Variants in THSD7B observed in about 807,000 individuals in gnomAD.
THSD7B encodes the protein thrombospondin type 1 domain containing 7B, also known as thrombospondin type-1 domain-containing protein 7B.
Under a neutral mutation model 213.6 loss-of-function variants are expected in THSD7B, and 138 were observed. The ratio of observed to expected loss-of-function variants is 0.65; its 90% CI spans 0.56 to 0.74. THSD7B has a LOEUF of 0.74. Ranked by LOEUF, THSD7B falls within the 30% of genes least tolerant of loss-of-function variation. The probability of loss-of-function intolerance (pLI) is 0.00; values close to 1 mark genes in which losing one functional copy is unlikely to be tolerated. For missense variants in THSD7B, 1,931 were observed against 1,991.5 expected (o/e 0.97, Z 0.58); for synonymous variants, 742 against 687.0 (o/e 1.08, Z -1.25).
At chr2:136,984,041 G>C (rs577989717) in intron 2 of THSD7B, among the ~76,000 whole-genome samples, 8 of 152,274 alleles carry the variant, frequency 5.3e-5, no homozygotes, top group South Asian at 4.1e-4. Context: ...TGCCATGAAG[G>C]CCTAGAAAGT....
intron 20 of THSD7B, among the ~76,000 whole-genome samples, chr2:137,637,096 C>T (rs1682847410): frequency 6.6e-6 from 1 of 152,194 alleles, no homozygotes; most frequent in Non-Finnish European, 1.5e-5. Context: ...CAAAACTCAT[C>T]ATTGCCAAAA....
chr2:137,220,121 CT>C (rs1681336109), intron 7 of THSD7B, among the ~76,000 whole-genome samples: 1 of 152,004 alleles, frequency 6.6e-6, no homozygotes, highest in South Asian at 2.1e-4. Context: ...CTGTTCCTTC[CT>C]GAAAATTTGT....
At chr2:137,388,533 T>A (rs1685945919) in intron 12 of THSD7B, among the ~76,000 whole-genome samples, 2 of 152,156 alleles carry the variant, frequency 1.3e-5, no homozygotes, top group South Asian at 4.1e-4. Context: ...TCAAGTCATG[T>A]CTTCCAGCTA....
At chr2:136,855,481 A>G (rs1683162959) in intron 1 of THSD7B, among the ~76,000 whole-genome samples, 1 of 152,190 alleles carries the variant, frequency 6.6e-6, no homozygotes, top group South Asian at 2.1e-4. Context: ...ACTAGAGCAC[A>G]GTGGCACAGT....
intron 7 of THSD7B, among the ~76,000 whole-genome samples, chr2:137,204,117 CTG>C (rs1456729924): frequency 6.6e-6 from 1 of 152,052 alleles, no homozygotes; most frequent in East Asian, 1.9e-4. Context: ...GTTCAGTCCT[CTG>C]GGGTTTCTAT....
chr2:137,238,936 ATAGT>A (rs149224054), intron 9 of THSD7B, among the ~76,000 whole-genome samples: 9,233 of 152,164 alleles, frequency 0.061, 728 homozygotes, highest in African/African-American at 0.18. Flanking sequence ...TGTATTAAAG[ATAGT>A]TAATAATAAT....
At chr2:136,948,983 GT>G (rs562394009) in intron 2 of THSD7B, among the ~76,000 whole-genome samples, 2 of 152,268 alleles carry the variant, frequency 1.3e-5, no homozygotes, top group East Asian at 3.9e-4. Context: ...AAAATTGTTG[GT>G]TTTTGGAGAT....
At chr2:137,560,744 G>C (rs934108053) in intron 15 of THSD7B, among the ~76,000 whole-genome samples, 2 of 151,814 alleles carry the variant, frequency 1.3e-5, no homozygotes, top group African/African-American at 2.4e-5. Context: ...AATGCTAAAA[G>C]ATGCACAAAG....
At chr2:137,568,299 A>T (rs924115804) in intron 16 of THSD7B, among the ~76,000 whole-genome samples, 2 of 152,132 alleles carry the variant, frequency 1.3e-5, no homozygotes, top group Non-Finnish European at 2.9e-5. Context: ...TGAGGTGATG[A>T]CTGAAGGGAG....
chr2:137,666,486 A>T (rs1034047182), intron 26 of THSD7B, among the ~76,000 whole-genome samples: 8 of 151,968 alleles, frequency 5.3e-5, no homozygotes, highest in Admixed American at 3.9e-4. Flanking sequence ...ATTGAAAGTA[A>T]TTGTGATTTT....
At chr2:136,976,596 A>G (rs916276615) in intron 2 of THSD7B, among the ~76,000 whole-genome samples, 6 of 151,288 alleles carry the variant, frequency 4.0e-5, no homozygotes, top group Non-Finnish European at 5.9e-5. Flanking sequence ...GGGTTTTTGT[A>G]TCAATGTTCA....
At chr2:137,125,567 T>C (rs899562317) in intron 5 of THSD7B, among the ~76,000 whole-genome samples, 3 of 152,232 alleles carry the variant, frequency 2.0e-5, no homozygotes, top group African/African-American at 7.2e-5. Flanking sequence ...AAATCTTGAA[T>C]ACCTCAAAGT....
At chr2:137,636,040 TA>T (rs1682827095) in intron 20 of THSD7B, among the ~76,000 whole-genome samples, 1 of 152,202 alleles carries the variant, frequency 6.6e-6, no homozygotes, top group East Asian at 1.9e-4. Context: ...TTTATTTGTA[TA>T]ACCTTTGTGA....
In THSD7B at chr2:137,283,208, G is replaced by C. The variant is rs978335353; in HGVS notation, c.2500+7182G>C. On this transcript the variant is annotated intron_variant, in intron 12 of 27. Coordinates refer to ENST00000409968, the MANE Select transcript of THSD7B (RefSeq NM_001316349.2). ...TCACTCATGATTTGGCTCTCTGTTT[G>C]TCTATTATTGGTGTATAAGAATGCT... Among the ~76,000 whole-genome samples the C allele has an allele frequency of 3.9e-5, 6 of 152,202 alleles. 1 individual carries two copies. In the South Asian group the frequency reaches 6.2e-4, roughly 16 times the overall value.
chr2:137,265,550 A>G (rs1682567951), intron 10 of THSD7B, among the ~76,000 whole-genome samples: 2 of 152,188 alleles, frequency 1.3e-5, no homozygotes, highest in Non-Finnish European at 2.9e-5. Flanking sequence ...AATAGCAAAG[A>G]CTTGGAACCA....
intron 2 of THSD7B, among the ~76,000 whole-genome samples, chr2:136,996,096 A>T (rs1685882447): frequency 6.6e-6 from 1 of 152,194 alleles, no homozygotes; most frequent in African/African-American, 2.4e-5. Flanking sequence ...ATTTGCAGTT[A>T]TGCTGATTTT....
At chr2:137,141,332 A>G (rs1231865240) in intron 5 of THSD7B, among the ~76,000 whole-genome samples, 14 of 152,150 alleles carry the variant, frequency 9.2e-5, no homozygotes, top group Admixed American at 8.5e-4. Flanking sequence ...AGAATTTATA[A>G]CAAAACTAAG....
At position 137,459,932 on chromosome 2, in the gene THSD7B, GT is replaced by G. The variant is rs991538355; in HGVS notation, c.3138+8912del. On this transcript the variant is annotated intron_variant, in intron 15 of 27. Coordinates refer to ENST00000409968, the MANE Select transcript of THSD7B (RefSeq NM_001316349.2). ...TTTGCTGGTTCTTCTGATCAGGCAG[GT>G]TTGTGAATACTACCAGGGTTAAGAT... 3.4e-4 allele frequency among the ~76,000 whole-genome samples: 51 copies of G among 152,216 alleles called. No homozygotes were observed. In the Middle Eastern group the frequency reaches 0.01, roughly 30 times the overall value.
At chr2:137,033,565 G>T (rs1315826533) in intron 2 of THSD7B, among the ~76,000 whole-genome samples, 3 of 151,884 alleles carry the variant, frequency 2.0e-5, no homozygotes, top group African/African-American at 7.3e-5. Flanking sequence ...TACAGGGAGG[G>T]TTGACTACTT....
Sources: allele counts gnomAD v4.1 joint callset (sites outside exome capture counted in the v4.1 genomes callset), GRCh38; gene constraint gnomAD v4.1.1; transcripts MANE v1.5; gene names NCBI Gene and HGNC (gene_info 2026-07-23, HGNC 2026-07-21).